ADAMTS9: variants seen among roughly 807,000 people sequenced by gnomAD.
ADAMTS9 encodes the protein A disintegrin and metalloproteinase with thrombospondin motifs 9.
A neutral mutation model predicts 257.1 loss-of-function variants in ADAMTS9; 107 were observed. The observed-to-expected ratio is 0.42, with a 90% CI of 0.36 to 0.49. The LOEUF (loss-of-function observed/expected upper bound fraction) is 0.49, where lower values mean the gene tolerates loss of function less well. Among genes scored for constraint, ADAMTS9 ranks in the 20% least tolerant of loss-of-function variants. The probability of loss-of-function intolerance (pLI) is 0.03; values close to 1 mark genes in which losing one functional copy is unlikely to be tolerated. For synonymous variants in ADAMTS9, 982 were observed against 880.9 expected (o/e 1.11, Z -2.03); for missense variants, 2,353 against 2,469.1 (o/e 0.95, Z 1.00).
chr3:64,642,450 A>T (rs1295392308), intron 11 of ADAMTS9, among the ~76,000 whole-genome samples: 1 of 151,396 alleles, frequency 6.6e-6, no homozygotes, highest in East Asian at 2.0e-4. Context: ...GAGGGGGGAA[A>T]AAAAAAGCGA....
intron 3 of ADAMTS9, among the ~76,000 whole-genome samples, chr3:64,659,110 C>T (rs1202550192): frequency 6.6e-6 from 1 of 152,192 alleles, no homozygotes; most frequent in Non-Finnish European, 1.5e-5. Flanking sequence ...CAAGGAATCT[C>T]ACGCTCACTG....
intron 31 of ADAMTS9, 76 bp downstream of exon 31, chr3:64,550,816 T>C: frequency 6.4e-7 from 1 of 1,571,668 alleles, no homozygotes; most frequent in South Asian, 1.2e-5. Flanking sequence ...ATTCCTGCAC[T>C]CATCCCTCCA....
intron 28 of ADAMTS9, among the ~76,000 whole-genome samples, chr3:64,579,992 T>C (rs566512326): frequency 2.0e-5 from 3 of 152,292 alleles, no homozygotes; most frequent in Non-Finnish European, 4.4e-5. Context: ...GCAAGAAACA[T>C]TGACAGTGCA....
At chr3:64,671,925 A>G (rs1701501012) in intron 3 of ADAMTS9, among the ~76,000 whole-genome samples, 1 of 152,226 alleles carries the variant, frequency 6.6e-6, no homozygotes, top group Non-Finnish European at 1.5e-5. Flanking sequence ...GGCAGATACA[A>G]AGGTGCAAAT....
chr3:64,579,767 T>C (rs185099419), intron 28 of ADAMTS9, among the ~76,000 whole-genome samples: 26 of 152,326 alleles, frequency 1.7e-4, no homozygotes, highest in Middle Eastern at 6.8e-3. Context: ...CAGTTTATTG[T>C]TAGAACCAAA....
At chr3:64,528,473 C>G (rs923607189) in intron 38 of ADAMTS9, among the ~76,000 whole-genome samples, 1 of 152,138 alleles carries the variant, frequency 6.6e-6, no homozygotes, top group Admixed American at 6.5e-5. Context: ...TGAGGAGAAA[C>G]TTTACGACCC....
chr3:64,587,693 C>T (rs1345316519), intron 28 of ADAMTS9: 2 of 152,138 alleles, frequency 1.3e-5, no homozygotes, highest in Admixed American at 1.3e-4. Context: ...CATGAGTCAT[C>T]TTCCATACTA....
chr3:64,533,941 A>G (rs2083014942), intron 37 of ADAMTS9, among the ~76,000 whole-genome samples: 1 of 152,144 alleles, frequency 6.6e-6, no homozygotes, highest in Non-Finnish European at 1.5e-5. Context: ...ATTGATTTCT[A>G]AAGAGACGGT....
intron 31 of ADAMTS9, 27 bp from the exon 32 acceptor site, chr3:64,546,979 G>A (rs750058817): frequency 1.3e-6 from 2 of 1,585,012 alleles, no homozygotes; most frequent in South Asian, 2.4e-5. Flanking sequence ...TGAGAGGAGA[G>A]GTTCGAGCAG....
At chr3:64,658,828 C>A (rs1446132129) in intron 3 of ADAMTS9, 37 bp from the exon 4 acceptor site, 4 of 1,559,472 alleles carry the variant, frequency 2.6e-6, no homozygotes, top group Non-Finnish European at 1.7e-6. Flanking sequence ...ACATTTCAAG[C>A]CACATCTATT....
intron 6 of ADAMTS9, among the ~76,000 whole-genome samples, chr3:64,655,199 C>G (rs1379181937): frequency 3.9e-5 from 6 of 152,228 alleles, no homozygotes; most frequent in Non-Finnish European, 5.9e-5. Context: ...TCCATCTGAA[C>G]AGCAGCTGCC....
chr3:64,594,058 C>A (rs1279149550), intron 28 of ADAMTS9, among the ~76,000 whole-genome samples, 200 bp downstream of exon 28: 1 of 151,574 alleles, frequency 6.6e-6, no homozygotes, highest in Non-Finnish European at 1.5e-5. Flanking sequence ...ATGAGGTACA[C>A]TTATTCTTTA....
At chr3:64,523,689 A>G (rs1240396552) in intron 38 of ADAMTS9, among the ~76,000 whole-genome samples, 3 of 152,190 alleles carry the variant, frequency 2.0e-5, no homozygotes, top group Non-Finnish European at 4.4e-5. Flanking sequence ...CTATAGAACT[A>G]GTAGTATCAA....
At chr3:64,662,932 G>C (rs6445423) in intron 3 of ADAMTS9, among the ~76,000 whole-genome samples, 16,383 of 152,216 alleles carry the variant, frequency 0.11, 1,230 homozygotes, top group Non-Finnish European at 0.16. Context: ...ATAAAACTAT[G>C]GAATAAAATT....
intron 38 of ADAMTS9, among the ~76,000 whole-genome samples, chr3:64,530,802 C>T (rs1301890934): frequency 1.3e-5 from 2 of 152,134 alleles, no homozygotes; most frequent in Non-Finnish European, 2.9e-5. Flanking sequence ...CAGAGCCTCA[C>T]TCTATCACCC....
chr3:64,596,658 T>C (rs1482283406), intron 27 of ADAMTS9, among the ~76,000 whole-genome samples, 172 bp downstream of exon 27: 2 of 152,232 alleles, frequency 1.3e-5, no homozygotes, highest in Non-Finnish European at 2.9e-5. Flanking sequence ...TTAGTGGTAA[T>C]AGGAACACTT....
intron 28 of ADAMTS9, among the ~76,000 whole-genome samples, chr3:64,581,913 G>T (rs914198524): frequency 2.6e-5 from 4 of 152,166 alleles, no homozygotes; most frequent in African/African-American, 9.7e-5. Flanking sequence ...AGTCTCTTGG[G>T]TTTATTTTCT....
chr3:64,682,941 G>C (rs1701795054), intron 2 of ADAMTS9, among the ~76,000 whole-genome samples: 1 of 152,144 alleles, frequency 6.6e-6, no homozygotes, highest in African/African-American at 2.4e-5. Context: ...CCTACTCACA[G>C]ATTCAGAATT....
chr3:64,630,881 T>C (rs1411620870), intron 16 of ADAMTS9, among the ~76,000 whole-genome samples: 3 of 152,130 alleles, frequency 2.0e-5, no homozygotes, highest in East Asian at 3.9e-4. Flanking sequence ...ATATAAGGAA[T>C]AGATATGAAT....
Sources: gnomAD v4.1 joint callset for allele counts (sites outside exome capture counted in the v4.1 genomes callset) on GRCh38, gnomAD v4.1.1 for gene constraint, MANE v1.5 for transcripts, NCBI Gene and HGNC (gene_info 2026-07-23, HGNC 2026-07-21) for gene names.